The following NRG1 variants were observed in gnomAD, a reference collection of about 807,000 sequenced individuals.
NRG1 encodes the protein neuregulin 1.
In NRG1, 18 loss-of-function variants were observed where a neutral mutation model predicts 63.8. That is an observed-to-expected ratio of 0.28 (90% confidence interval 0.19 to 0.42). The LOEUF (loss-of-function observed/expected upper bound fraction) is 0.42. Ranked by LOEUF, NRG1 falls within the 10% of genes least tolerant of loss-of-function variation. The pLI is 1.00. For missense variants in NRG1, 762 were observed against 814.7 expected (o/e 0.94, Z 0.79); for synonymous variants, 302 against 301.3 (o/e 1.00, Z -0.02).
chr8:32,766,339 T>C (rs1831427082), exon 12 of NRG1: 1 of 152,208 alleles, frequency 6.6e-6, no homozygotes, highest in Non-Finnish European at 1.5e-5. Flanking sequence ...TGCACAGTGG[T>C]ATCCTCATTT....
At position 32,519,423 on chromosome 8, in the gene NRG1, A is replaced by AT. The variant is rs57992377; in HGVS notation, c.38-76394dup. Among the ~76,000 whole-genome samples the AT allele has an allele frequency of 7.3e-3, 1,089 of 149,138 alleles. 8 individuals carry two copies. The highest frequency in any genetic ancestry group is 0.023 in the African/African-American group (935 of 40,712). The stretch of plus-strand genomic sequence containing the variant: ...AAGCTAAATGTAGTACGTATAACTG[A>AT]TTTTTTTTTTTGAGGGAGGAGGCAT... On this transcript the variant is annotated intron_variant, in intron 1 of 10. Transcript: ENST00000519301.
chr8:32,500,797 A>T (rs35739287), intron 1 of NRG1, among the ~76,000 whole-genome samples: 8,030 of 152,326 alleles, frequency 0.053, 284 homozygotes, highest in Middle Eastern at 0.085. Context: ...AGAAGATAGA[A>T]CATTAAATAA....
At chr8:32,580,696 A>T (rs1389389263) in intron 1 of NRG1, among the ~76,000 whole-genome samples, 1 of 152,188 alleles carries the variant, frequency 6.6e-6, no homozygotes, top group African/African-American at 2.4e-5. Flanking sequence ...TAATCAGCAT[A>T]TTGCACTGTT....
At chr8:32,724,446 AC>A (rs1001353306) in intron 5 of NRG1, among the ~76,000 whole-genome samples, 2 of 152,134 alleles carry the variant, frequency 1.3e-5, no homozygotes, top group African/African-American at 4.8e-5. Flanking sequence ...TTGGCATAGG[AC>A]CGGCTTTGTC....
chr8:32,648,110 A>G (rs1563848570), intron 5 of NRG1: 1 of 1,614,078 alleles, frequency 6.2e-7, no homozygotes, highest in Non-Finnish European at 8.5e-7. Context: ...CTGCTGCCTC[A>G]GCTGTGTGGG....
chr8:31,678,088 G>GTTATTTAT (rs56884285), intron 1 of NRG1, among the ~76,000 whole-genome samples: 95,008 of 149,900 alleles, frequency 0.63, 31,923 homozygotes, highest in East Asian at 0.96. Flanking sequence ...CTTTTAACTT[G>GTTATTTAT]TTATTTATTT....
intron 1 of NRG1, among the ~76,000 whole-genome samples, chr8:32,218,557 T>C (rs1311982577): frequency 6.6e-6 from 1 of 152,222 alleles, no homozygotes; most frequent in African/African-American, 2.4e-5. Context: ...GAAGCTACTC[T>C]TGGCTCTATG....
intron 1 of NRG1, among the ~76,000 whole-genome samples, chr8:32,296,457 T>C (rs1177029317): frequency 6.6e-6 from 1 of 151,604 alleles, no homozygotes; most frequent in African/African-American, 2.4e-5. Context: ...CTACTGAAAA[T>C]ACAAAAATTA....
intron 1 of NRG1, among the ~76,000 whole-genome samples, chr8:32,409,900 C>T (rs181577109): frequency 6.6e-6 from 1 of 152,222 alleles, no homozygotes; most frequent in African/African-American, 2.4e-5. Flanking sequence ...GGATTTCTCC[C>T]AGCGAGAGAA....
At chr8:32,691,157 C>G (rs1413776987) in intron 5 of NRG1, among the ~76,000 whole-genome samples, 1 of 151,920 alleles carries the variant, frequency 6.6e-6, no homozygotes, top group African/African-American at 2.4e-5. Context: ...GTCAGGAGTT[C>G]GAGACCAGCC....
At chr8:32,134,134 C>G (rs903300903) in intron 1 of NRG1, among the ~76,000 whole-genome samples, 2 of 152,078 alleles carry the variant, frequency 1.3e-5, no homozygotes, top group African/African-American at 4.8e-5. Flanking sequence ...TGCTCACTGT[C>G]AAAATTTCAG....
intron 1 of NRG1, among the ~76,000 whole-genome samples, chr8:32,392,806 AAAAC>A (rs1172569851): frequency 2.0e-5 from 3 of 152,218 alleles, no homozygotes; most frequent in Non-Finnish European, 4.4e-5. Flanking sequence ...TCTTTTAATT[AAAAC>A]AAACAAAGGA....
intron 7 of NRG1, chr8:32,749,772 G>A (rs2129048274): frequency 1.6e-6 from 1 of 635,882 alleles, no homozygotes. Context: ...GTTACTGAGT[G>A]CAGCAGGTTT....
chr8:31,953,310 A>C (rs1803791280), intron 1 of NRG1, among the ~76,000 whole-genome samples: 2 of 152,224 alleles, frequency 1.3e-5, no homozygotes, highest in African/African-American at 4.8e-5. Flanking sequence ...AAGCAAATAT[A>C]ATAAAAATGT....
intron 1 of NRG1, among the ~76,000 whole-genome samples, chr8:31,851,439 C>T (rs1827204386): frequency 6.6e-6 from 1 of 152,046 alleles, no homozygotes; most frequent in African/African-American, 2.4e-5. Flanking sequence ...AATGTAGAAT[C>T]ATATTCTTTC....
Position 32,722,073 on chromosome 8 carries a change from G to A in NRG1, c.503-5876G>A, listed in dbSNP as rs532321531. 8 of 1,471,038 alleles carry A rather than the reference G, an allele frequency of 5.4e-6. No homozygotes were observed. The South Asian group carries it at 7.5e-5, about 14-fold the overall frequency. 91.1% of individuals were successfully genotyped at this position (1,471,038 alleles called of 1,614,324 possible). On this transcript the variant is annotated intron_variant, in intron 5 of 11. Coordinates refer to ENST00000356819, the Ensembl canonical transcript of NRG1. ...GTTAAAAAAAATCTGTAATTTTGTA[G>A]TGACTAGCAGTTTAATATTCAAACA...
intron 1 of NRG1, among the ~76,000 whole-genome samples, chr8:32,235,874 T>C (rs1183487966): frequency 1.3e-5 from 2 of 152,188 alleles, no homozygotes; most frequent in Non-Finnish European, 2.9e-5. Flanking sequence ...ACTTACTGAA[T>C]ACCTATAGTT....
intron 5 of NRG1, among the ~76,000 whole-genome samples, chr8:32,722,890 G>T (rs1821001145): frequency 6.6e-6 from 1 of 152,068 alleles, no homozygotes; most frequent in Admixed American, 6.6e-5. Context: ...ACAGATTATT[G>T]ATATTTACTT....
intron 1 of NRG1, among the ~76,000 whole-genome samples, chr8:31,845,714 G>A (rs1826627538): frequency 6.6e-6 from 1 of 152,128 alleles, no homozygotes; most frequent in Non-Finnish European, 1.5e-5. Context: ...GTTAGCATGT[G>A]TTGCATTTGA....
Sources: allele counts gnomAD v4.1 joint callset (sites outside exome capture counted in the v4.1 genomes callset), GRCh38; gene constraint gnomAD v4.1.1; transcripts MANE v1.5; gene names NCBI Gene and HGNC (gene_info 2026-07-23, HGNC 2026-07-21).